The following SPAG16 variants were observed in gnomAD, a reference collection of about 807,000 sequenced individuals.
SPAG16 encodes the protein sperm associated antigen 16, also known as sperm-associated antigen 16 protein.
A neutral mutation model predicts 80.4 loss-of-function variants in SPAG16; 86 were observed. The ratio of observed to expected loss-of-function variants is 1.07; its 90% confidence interval spans 0.90 to 1.28. SPAG16 has a LOEUF of 1.28. Ranked by LOEUF, SPAG16 falls within the 50% of genes most tolerant of loss-of-function variation. The pLI is 0.00. For synonymous variants in SPAG16, 294 were observed against 265.9 expected, an observed-to-expected ratio of 1.11 and a Z score of -1.03; for missense variants, 870 against 765.3, an observed-to-expected ratio of 1.14 and a Z score of -1.61.
intron 10 of SPAG16, among the ~76,000 whole-genome samples, chr2:213,541,467 A>G (rs2076445070): frequency 6.6e-6 from 1 of 152,050 alleles, no homozygotes; most frequent in Non-Finnish European, 1.5e-5. Context: ...AAAAATAACA[A>G]AAATTAGCCT....
At chr2:213,777,412 A>G (rs913344483) in intron 10 of SPAG16, among the ~76,000 whole-genome samples, 7 of 149,382 alleles carry the variant, frequency 4.7e-5, no homozygotes, top group Non-Finnish European at 8.9e-5. Flanking sequence ...ACGCCCAACT[A>G]ATTTTTTTTT....
At chr2:213,438,781 G>C (rs1400463397) in intron 9 of SPAG16, among the ~76,000 whole-genome samples, 1 of 152,184 alleles carries the variant, frequency 6.6e-6, no homozygotes, top group East Asian at 1.9e-4. Flanking sequence ...ATGAAAAGAG[G>C]CTATCTTGCA....
At chr2:213,624,964 T>C (rs2061911657) in intron 10 of SPAG16, among the ~76,000 whole-genome samples, 1 of 152,138 alleles carries the variant, frequency 6.6e-6, no homozygotes, top group Non-Finnish European at 1.5e-5. Flanking sequence ...CTAATTTTTG[T>C]ATTTTTAGTA....
At chr2:213,637,018 C>G (rs2062388178) in intron 10 of SPAG16, among the ~76,000 whole-genome samples, 1 of 152,118 alleles carries the variant, frequency 6.6e-6, no homozygotes, top group South Asian at 2.1e-4. Flanking sequence ...AAGTGGGCAT[C>G]CTTGTCATGT....
At chr2:213,302,355 A>T (rs1237653242) in intron 3 of SPAG16, among the ~76,000 whole-genome samples, 1 of 152,184 alleles carries the variant, frequency 6.6e-6, no homozygotes, top group East Asian at 1.9e-4. Context: ...TCTTAAGTAT[A>T]CATAATGGTT....
chr2:213,433,632 C>A (rs545261598), intron 9 of SPAG16, among the ~76,000 whole-genome samples: 22 of 152,244 alleles, frequency 1.4e-4, no homozygotes, highest in Middle Eastern at 3.4e-3. Context: ...ATCCCATGCT[C>A]ATGGAGTGGA....
In SPAG16 at chr2:213,584,680, GA is replaced by G. The variant is rs113664896; in HGVS notation, c.1070+94593del. ...GACGGATGGACGGGAGGAAGTGAGGGAAACTAGACAGAGTTATAGGGCAGGC... is the reference window on the plus strand; with the variant it reads ...GACGGATGGACGGGAGGAAGTGAGGGAACTAGACAGAGTTATAGGGCAGGC... On this transcript the variant is annotated intron_variant, in intron 10 of 15. Transcript: ENST00000331683. 1.6e-3 allele frequency among the ~76,000 whole-genome samples: 240 copies of G among 152,142 alleles called. 3 individuals carry two copies. The highest frequency in any genetic ancestry group is 4.7e-3 in the African/African-American group (195 of 41,492).
chr2:213,670,773 A>G (rs2063787781), intron 10 of SPAG16, among the ~76,000 whole-genome samples: 1 of 152,236 alleles, frequency 6.6e-6, no homozygotes, highest in Admixed American at 6.5e-5. Context: ...TGGCTTTTAA[A>G]TGTGTTTACA....
intron 10 of SPAG16, among the ~76,000 whole-genome samples, chr2:213,805,459 TGAC>T (rs1469440919): frequency 1.3e-5 from 2 of 152,208 alleles, no homozygotes; most frequent in Non-Finnish European, 2.9e-5. Context: ...TGAATTTATT[TGAC>T]AGGGCTTCAG....
intron 12 of SPAG16, among the ~76,000 whole-genome samples, chr2:213,997,362 G>T (rs1214124794): frequency 6.6e-6 from 1 of 152,104 alleles, no homozygotes; most frequent in East Asian, 1.9e-4. Flanking sequence ...CTTTTATTCA[G>T]CTCAGAAGGG....
intron 10 of SPAG16, among the ~76,000 whole-genome samples, chr2:213,622,381 C>T (rs993292282): frequency 6.6e-6 from 1 of 152,126 alleles, no homozygotes. Flanking sequence ...ACTTTCTTGC[C>T]GCTCCCTAGT....
At chr2:213,792,709 G>A (rs4673760) in intron 10 of SPAG16, among the ~76,000 whole-genome samples, 30,275 of 131,784 alleles carry the variant, frequency 0.23, 3,681 homozygotes, top group South Asian at 0.39. Context: ...TCAGCCTCCC[G>A]AGTAGCTGGA....
intron 10 of SPAG16, among the ~76,000 whole-genome samples, chr2:213,651,951 C>A (rs2063039130): frequency 6.6e-6 from 1 of 151,960 alleles, no homozygotes; most frequent in Admixed American, 6.6e-5. Context: ...GCAGTAATAC[C>A]CCAGACTACT....
intron 11 of SPAG16, among the ~76,000 whole-genome samples, chr2:213,904,125 A>G (rs570822022): frequency 1.1e-3 from 172 of 152,236 alleles, no homozygotes; most frequent in Middle Eastern, 3.4e-3. Context: ...TTAGCCCTCC[A>G]AACTGTTCCA....
intron 7 of SPAG16, among the ~76,000 whole-genome samples, chr2:213,355,344 C>T (rs1229689329): frequency 6.7e-6 from 1 of 149,422 alleles, no homozygotes; most frequent in African/African-American, 2.5e-5. Context: ...CTTGGCTATG[C>T]AGGCTCTTTT....
chr2:213,555,430 C>G (rs368156213), intron 10 of SPAG16, among the ~76,000 whole-genome samples: 198 of 152,264 alleles, frequency 1.3e-3, no homozygotes, highest in Non-Finnish European at 2.2e-3. Flanking sequence ...CCTGCTTGCA[C>G]TCAGTCCATC....
intron 10 of SPAG16, among the ~76,000 whole-genome samples, chr2:213,799,144 C>A (rs1051024826): frequency 1.3e-5 from 2 of 152,124 alleles, no homozygotes; most frequent in African/African-American, 4.8e-5. Context: ...TCCATTGAAT[C>A]TATAGACCAA....
At chr2:213,871,057 C>CAT (rs1210312070) in intron 11 of SPAG16, among the ~76,000 whole-genome samples, 9 of 152,100 alleles carry the variant, frequency 5.9e-5, no homozygotes, top group Non-Finnish European at 1.0e-4. Flanking sequence ...CACAAATATA[C>CAT]ACATACACAA....
chr2:214,079,215 C>T (rs1259721541), intron 13 of SPAG16, among the ~76,000 whole-genome samples: 2 of 152,116 alleles, frequency 1.3e-5, no homozygotes, highest in Admixed American at 6.5e-5. Context: ...TTCTCTACTT[C>T]CCACCTCACC....
Sources: gnomAD v4.1 joint callset for allele counts (sites outside exome capture counted in the v4.1 genomes callset) on GRCh38, gnomAD v4.1.1 for gene constraint, MANE v1.5 for transcripts, NCBI Gene and HGNC (gene_info 2026-07-23, HGNC 2026-07-21) for gene names.